Variants in GRIP1 observed in about 807,000 individuals in gnomAD.
The protein encoded by GRIP1 is glutamate receptor interacting protein 1.
Under a neutral mutation model 129.9 loss-of-function variants are expected in GRIP1, and 45 were observed. That is an observed-to-expected ratio of 0.35 (90% CI 0.27 to 0.44). The LOEUF is 0.44. Ranked by LOEUF, GRIP1 falls within the 20% of genes least tolerant of loss-of-function variation. The pLI is 1.00. For missense variants in GRIP1, 1,196 were observed against 1,396.8 expected, an observed-to-expected ratio of 0.86 and a Z score of 2.29; for synonymous variants, 530 against 520.8, an observed-to-expected ratio of 1.02 and a Z score of -0.24.
intron 1 of GRIP1, among the ~76,000 whole-genome samples, chr12:66,899,345 C>CTGTGTG (rs34977070): frequency 6.6e-6 from 1 of 151,592 alleles, no homozygotes; most frequent in African/African-American, 2.4e-5. Context: ...TGGAAAGAAA[C>CTGTGTG]TGTTCCTGTC....
intron 1 of GRIP1, among the ~76,000 whole-genome samples, chr12:66,665,584 T>C (rs908238965): frequency 3.3e-5 from 5 of 152,312 alleles, no homozygotes; most frequent in Admixed American, 6.5e-5. Flanking sequence ...TGACTCAACA[T>C]TATGTTTGTG....
chr12:66,864,091 T>C (rs2040158921), intron 1 of GRIP1, among the ~76,000 whole-genome samples: 2 of 152,126 alleles, frequency 1.3e-5, no homozygotes. Flanking sequence ...AAGAGTATCT[T>C]CAACCAGGGG....
intron 1 of GRIP1, among the ~76,000 whole-genome samples, chr12:66,953,858 T>A (rs1466836820): frequency 6.6e-6 from 1 of 151,650 alleles, no homozygotes; most frequent in Admixed American, 6.6e-5. Flanking sequence ...ACACAATCGA[T>A]AACCTAAATA....
chr12:66,954,619 G>C (rs1460969019), intron 1 of GRIP1, among the ~76,000 whole-genome samples: 1 of 152,170 alleles, frequency 6.6e-6, no homozygotes, highest in East Asian at 1.9e-4. Context: ...AGAATAATTT[G>C]TAATCCACTT....
intron 2 of GRIP1, among the ~76,000 whole-genome samples, chr12:66,558,119 A>C (rs970289715): frequency 6.6e-6 from 1 of 152,190 alleles, no homozygotes. Flanking sequence ...CAAAGATGAA[A>C]ATGAAGACAT....
intron 7 of GRIP1, among the ~76,000 whole-genome samples, chr12:66,471,552 A>G (rs1371731271): frequency 6.6e-6 from 1 of 152,218 alleles, no homozygotes; most frequent in Non-Finnish European, 1.5e-5. Context: ...TTTTGCTCCA[A>G]TAAAAAGAAT....
intron 1 of GRIP1, among the ~76,000 whole-genome samples, chr12:66,831,500 T>C (rs1247575530): frequency 6.6e-6 from 1 of 152,238 alleles, no homozygotes; most frequent in African/African-American, 2.4e-5. Context: ...TCAAGTTCCC[T>C]GGACATATTT....
At chr12:66,804,430 ATT>A (rs898134257), upstream of GRIP1, among the ~76,000 whole-genome samples, 17 of 151,236 alleles carry the variant, frequency 1.1e-4, no homozygotes, top group Admixed American at 2.0e-4. Flanking sequence ...CAAATCTGTA[ATT>A]TTTTTAAAAA....
At chr12:66,576,804 G>A (rs2063152669) in intron 2 of GRIP1, among the ~76,000 whole-genome samples, 1 of 152,222 alleles carries the variant, frequency 6.6e-6, no homozygotes, top group Non-Finnish European at 1.5e-5. Flanking sequence ...GTACAGAGTT[G>A]CACAGCATTA....
chr12:66,578,232 G>GTTTTTTTTTTTTTTTTT (rs547352236), intron 2 of GRIP1, among the ~76,000 whole-genome samples: 13 of 102,508 alleles, frequency 1.3e-4, no homozygotes, highest in South Asian at 3.6e-4. Flanking sequence ...CAAAACCGCG[G>GTTTTTTTTTTTTTTTTT]TTTTTTTTTT....
At chr12:66,670,569 T>C (rs1259325675) in intron 1 of GRIP1, among the ~76,000 whole-genome samples, 2 of 152,212 alleles carry the variant, frequency 1.3e-5, no homozygotes, top group Non-Finnish European at 2.9e-5. Flanking sequence ...GAGTCAACTG[T>C]CATTTTTAAA....
intron 22 of GRIP1, among the ~76,000 whole-genome samples, chr12:66,372,554 T>G (rs1419034117): frequency 6.6e-6 from 1 of 152,250 alleles, no homozygotes; most frequent in African/African-American, 2.4e-5. Context: ...TTAGAAATAC[T>G]CTTTGTATAA....
intron 1 of GRIP1, among the ~76,000 whole-genome samples, chr12:66,979,455 C>G (rs990790283): frequency 6.6e-6 from 1 of 151,958 alleles, no homozygotes. Context: ...AGCACTACAG[C>G]TGCTGTCTTC....
intron 1 of GRIP1, among the ~76,000 whole-genome samples, chr12:66,601,143 AG>A (rs1204365137): frequency 7.9e-5 from 12 of 152,218 alleles, no homozygotes; most frequent in African/African-American, 2.4e-4. Flanking sequence ...GAACAATAGG[AG>A]GGACCATCTG....
chr12:66,765,486 T>G (rs999325450), intron 1 of GRIP1, among the ~76,000 whole-genome samples: 4 of 152,214 alleles, frequency 2.6e-5, no homozygotes, highest in African/African-American at 9.6e-5. Flanking sequence ...TTTTTTAAAT[T>G]AGATCTTACT....
rs536539641 is a variant in GRIP1, at chr12:66,674,879, G to C, written c.55+3971C>G. Among the ~76,000 whole-genome samples the C allele has an allele frequency of 2.6e-5, 4 of 152,122 alleles. No individual in the cohort carries two copies. The South Asian group carries it at 8.3e-4, about 32-fold the overall frequency. On this transcript the variant is annotated intron_variant, in intron 1 of 24. Transcript: ENST00000359742. ...ATACTGAGGTTGGGAGGAGAAATCA[G>C]GAAGAAGAGAGGGAGAGAGAAAGAA...
intron 15 of GRIP1, among the ~76,000 whole-genome samples, chr12:66,409,624 C>T (rs1471973740): frequency 6.6e-6 from 1 of 152,226 alleles, no homozygotes; most frequent in Non-Finnish European, 1.5e-5. Flanking sequence ...CAATTCAATT[C>T]TCAGACACCA....
intron 7 of GRIP1, among the ~76,000 whole-genome samples, chr12:66,471,334 A>C (rs2059433569): frequency 6.6e-6 from 1 of 152,168 alleles, no homozygotes; most frequent in Non-Finnish European, 1.5e-5. Context: ...ACTATAAGTA[A>C]ATCCATAGGT....
intron 23 of GRIP1, among the ~76,000 whole-genome samples, chr12:66,365,246 G>A (rs1181319408): frequency 6.6e-6 from 1 of 152,174 alleles, no homozygotes; most frequent in South Asian, 2.1e-4. Flanking sequence ...GGCCAGCCTG[G>A]CCAACATGGT....
Sources: allele counts gnomAD v4.1 joint callset (sites outside exome capture counted in the v4.1 genomes callset), GRCh38; gene constraint gnomAD v4.1.1; transcripts MANE v1.5; gene names NCBI Gene and HGNC (gene_info 2026-07-23, HGNC 2026-07-21).